Variants in NRXN3 observed in about 807,000 individuals in gnomAD.
NRXN3 encodes neurexin III.
In NRXN3, 32 loss-of-function variants were observed where a neutral mutation model predicts 137.6. The observed-to-expected ratio is 0.23, with a 90% CI of 0.18 to 0.31. The LOEUF (loss-of-function observed/expected upper bound fraction) is 0.31, where lower values mean the gene tolerates loss of function less well. NRXN3 is among the 10% of genes least tolerant of loss of function. NRXN3 has a pLI of 1.00. For synonymous variants in NRXN3, 798 were observed against 784.5 expected, an observed-to-expected ratio of 1.02 and a Z score of -0.29; for missense variants, 1,574 against 2,062.5, an observed-to-expected ratio of 0.76 and a Z score of 4.59.
intron 19 of NRXN3, among the ~76,000 whole-genome samples, chr14:79,778,440 A>G (rs1350981665): frequency 6.6e-6 from 1 of 152,082 alleles, no homozygotes; most frequent in Non-Finnish European, 1.5e-5. Context: ...AAACAAAACA[A>G]AACAAAAAAA....
intron 20 of NRXN3, among the ~76,000 whole-genome samples, chr14:79,858,131 A>G (rs551270133): frequency 1.0e-4 from 15 of 150,500 alleles, no homozygotes; most frequent in African/African-American, 3.7e-4. Flanking sequence ...GAGTTATAAA[A>G]AATGTGGTTA....
chr14:78,313,879 G>A (rs1452768429), intron 4 of NRXN3, among the ~76,000 whole-genome samples: 2 of 152,076 alleles, frequency 1.3e-5, no homozygotes, highest in African/African-American at 4.8e-5. Context: ...AAGATGTCTA[G>A]CTCTCGTTAT....
intron 15 of NRXN3, among the ~76,000 whole-genome samples, chr14:79,111,723 G>C (rs186240405): frequency 1.4e-5 from 2 of 143,534 alleles, no homozygotes; most frequent in Non-Finnish European, 3.0e-5. Flanking sequence ...GGGTGATAGA[G>C]AGACTCCATC....
chr14:78,287,852 G>C (rs1363747931), intron 3 of NRXN3, among the ~76,000 whole-genome samples: 1 of 151,892 alleles, frequency 6.6e-6, no homozygotes, highest in African/African-American at 2.4e-5. Context: ...CTTTCTTCCA[G>C]GTCATTGTTC....
intron 10 of NRXN3, among the ~76,000 whole-genome samples, chr14:78,929,501 T>C (rs1279862551): frequency 6.6e-6 from 1 of 152,206 alleles, no homozygotes; most frequent in African/African-American, 2.4e-5. Context: ...GATAATGGCC[T>C]CTAGCTCCAT....
At chr14:79,292,472 A>G (rs1008190528) in intron 15 of NRXN3, among the ~76,000 whole-genome samples, 1 of 152,200 alleles carries the variant, frequency 6.6e-6, no homozygotes, top group Admixed American at 6.5e-5. Flanking sequence ...CCTGATTTTA[A>G]TTCTCTCACC....
chr14:78,524,526 C>G (rs1337129228), intron 4 of NRXN3, among the ~76,000 whole-genome samples: 1 of 152,156 alleles, frequency 6.6e-6, no homozygotes, highest in Non-Finnish European at 1.5e-5. Context: ...CACCTAAGAC[C>G]GATTGAATCA....
At chr14:78,298,088 C>G (rs1036153649) in intron 4 of NRXN3, among the ~76,000 whole-genome samples, 4 of 152,250 alleles carry the variant, frequency 2.6e-5, no homozygotes, top group African/African-American at 9.6e-5. Context: ...TCTCCACCAC[C>G]ATTTGTCATT....
chr14:78,510,040 T>TATA (rs578217240), intron 4 of NRXN3, among the ~76,000 whole-genome samples: 2 of 144,498 alleles, frequency 1.4e-5, no homozygotes, highest in Admixed American at 6.7e-5. Flanking sequence ...TGACAAAATT[T>TATA]TATATATATA....
intron 15 of NRXN3, among the ~76,000 whole-genome samples, chr14:79,402,789 A>G (rs1410614248): frequency 6.6e-6 from 1 of 152,184 alleles, no homozygotes; most frequent in Non-Finnish European, 1.5e-5. Flanking sequence ...TGTATGTTGA[A>G]TGACTGCTAG....
At chr14:79,417,961 T>C (rs2095520716) in intron 15 of NRXN3, among the ~76,000 whole-genome samples, 1 of 122,376 alleles carries the variant, frequency 8.2e-6, no homozygotes. Context: ...AGAGAATATA[T>C]GGAAAAAAAA....
At chr14:79,839,368 C>T (rs1392856550) in intron 20 of NRXN3, among the ~76,000 whole-genome samples, 8 of 151,934 alleles carry the variant, frequency 5.3e-5, no homozygotes. Flanking sequence ...TGATGCTCTT[C>T]AACAATTGGT....
At chr14:78,950,869 A>G (rs1189481084) in intron 10 of NRXN3, among the ~76,000 whole-genome samples, 2 of 152,194 alleles carry the variant, frequency 1.3e-5, no homozygotes, top group Non-Finnish European at 2.9e-5. Flanking sequence ...GAGAGACACA[A>G]TACCAGAAGT....
chr14:79,863,001 T>G lies in NRXN3; in HGVS notation c.*1037T>G, dbSNP rs933164999. The G allele has an allele frequency of 1.3e-5, 2 of 152,534 alleles. No homozygotes were observed. Among genetic ancestry groups the G allele is most frequent in the Admixed American group, 6.5e-5 (1 of 15,268 alleles). 9.4% of individuals were successfully genotyped at this position (152,534 alleles called of 1,614,324 possible). On this transcript the variant is annotated 3_prime_UTR_variant, in exon 21 of 21. Transcript: ENST00000335750. ...GGAGGTGGGCTGGATCTGTGACTGA[T>G]TGAAATGCATGCAAATAAAAAAGAC...
At chr14:78,825,971 G>A (rs1416351012) in intron 10 of NRXN3, among the ~76,000 whole-genome samples, 1 of 152,210 alleles carries the variant, frequency 6.6e-6, no homozygotes, top group Non-Finnish European at 1.5e-5. Flanking sequence ...TGAGTTGGAT[G>A]AGTATCATGC....
chr14:79,336,181 A>G (rs754514826), intron 15 of NRXN3, among the ~76,000 whole-genome samples: 1 of 152,180 alleles, frequency 6.6e-6, no homozygotes, highest in Non-Finnish European at 1.5e-5. Context: ...GGGACTAATT[A>G]ATAGCTATTT....
At chr14:79,506,470 A>C (rs764315544) in intron 16 of NRXN3, among the ~76,000 whole-genome samples, 29 of 152,140 alleles carry the variant, frequency 1.9e-4, no homozygotes, top group Non-Finnish European at 3.7e-4. Context: ...TAACCCACAC[A>C]ATCATCTTTA....
In NRXN3 at chr14:79,866,631, A is replaced by G. The variant is rs989287430; in HGVS notation, c.*4667A>G. The G allele has an allele frequency of 6.6e-6, 1 of 152,206 alleles. No homozygotes were observed. The highest frequency in any genetic ancestry group is 1.5e-5 in the Non-Finnish European group (1 of 68,062). The allele number at this position is 152,206 out of a possible 1,614,324, so 9.4% of individuals were successfully genotyped here. On this transcript the variant is annotated 3_prime_UTR_variant, in exon 21 of 21. Transcript: ENST00000335750. The stretch of plus-strand genomic sequence containing the variant: ...CAATGAATGGGAAGAGAGAAATGGG[A>G]GAATAGCTTGAGAAGTTCAAGGTCA...
intron 15 of NRXN3, among the ~76,000 whole-genome samples, chr14:79,370,676 A>G (rs753642794): frequency 1.6e-4 from 25 of 152,232 alleles, no homozygotes; most frequent in Admixed American, 3.9e-4. Context: ...TCCAAAATAC[A>G]TGCTTTTACC....
Sources: gnomAD v4.1 joint callset for allele counts (sites outside exome capture counted in the v4.1 genomes callset) on GRCh38, gnomAD v4.1.1 for gene constraint, MANE v1.5 for transcripts, NCBI Gene and HGNC (gene_info 2026-07-23, HGNC 2026-07-21) for gene names.